Variants in RANBP2 observed in about 807,000 individuals in gnomAD.
RANBP2 encodes E3 SUMO-protein ligase RanBP2.
In RANBP2, 57 loss-of-function variants were observed where a neutral mutation model predicts 303.6. That is an observed-to-expected ratio of 0.19 (90% CI 0.15 to 0.23). RANBP2 has a LOEUF of 0.23. Among genes scored for constraint, RANBP2 ranks in the 10% least tolerant of loss-of-function variants. RANBP2 has a pLI of 1.00. For synonymous variants in RANBP2, 1,167 were observed against 1,301.5 expected (o/e 0.90, Z 2.23); for missense variants, 3,138 against 3,780.8 (o/e 0.83, Z 4.46).
chr2:109,542,764 A>C, the RANBP2 span, among the ~76,000 whole-genome samples: 2 of 152,348 alleles, frequency 1.3e-5, no homozygotes, highest in Non-Finnish European at 2.9e-5. Context: ...TGTGAATTTC[A>C]AATGCAAAAA....
At chr2:108,737,299 C>G (rs1019808620) in intron 6 of RANBP2, among the ~76,000 whole-genome samples, 3 of 144,026 alleles carry the variant, frequency 2.1e-5, no homozygotes, top group Non-Finnish European at 4.5e-5. Flanking sequence ...CATCGAAGAT[C>G]TTTGTATGTG....
At chr2:108,901,870 G>A in the RANBP2 span, among the ~76,000 whole-genome samples, 1 of 152,038 alleles carries the variant, frequency 6.6e-6, no homozygotes, top group Non-Finnish European at 1.5e-5. Context: ...TTGGGAGGCC[G>A]AGGTGGGTAT....
the RANBP2 span, among the ~76,000 whole-genome samples, chr2:108,970,136 G>A: frequency 6.6e-6 from 1 of 152,158 alleles, no homozygotes; most frequent in Non-Finnish European, 1.5e-5. Context: ...TGCTGCTTGA[G>A]CTTTGCACTG....
At chr2:109,291,985 T>C in the RANBP2 span, among the ~76,000 whole-genome samples, 1 of 152,154 alleles carries the variant, frequency 6.6e-6, no homozygotes, top group Admixed American at 6.5e-5. Flanking sequence ...TGCCTCAGCC[T>C]CTCGAGTAGC....
At chr2:109,365,786 G>A in the RANBP2 span, among the ~76,000 whole-genome samples, 16 of 152,222 alleles carry the variant, frequency 1.1e-4, no homozygotes, top group East Asian at 2.7e-3. Context: ...CTGTGGTCCC[G>A]GCTGTCGACT....
chr2:109,381,984 A>G, the RANBP2 span, among the ~76,000 whole-genome samples: 326 of 152,258 alleles, frequency 2.1e-3, 1 homozygote, highest in Admixed American at 4.5e-3. Context: ...TCTTTCCATC[A>G]ACAGGTGAAC....
chr2:109,578,392 T>C, the RANBP2 span, among the ~76,000 whole-genome samples: 2 of 152,128 alleles, frequency 1.3e-5, no homozygotes, highest in East Asian at 1.9e-4. Context: ...ATGGAAGCAT[T>C]ACAAGAGAAA....
chr2:108,744,465 T>TTAATTCACAACCAGTTAA (rs999074909), intron 7 of RANBP2, among the ~76,000 whole-genome samples: 3 of 151,722 alleles, frequency 2.0e-5, no homozygotes, highest in African/African-American at 7.3e-5. Context: ...TCACAACTAA[T>TTAATTCACAACCAGTTAA]TAACTGGTCA....
chr2:108,729,577 C>T lies in RANBP2; in HGVS notation c.140+378C>T, dbSNP rs565971596. Among the ~76,000 whole-genome samples the T allele has an allele frequency of 8.1e-4, 124 of 152,230 alleles. 1 individual carries two copies. Among genetic ancestry groups the T allele is most frequent in the Admixed American group, 2.3e-3 (35 of 15,282 alleles). ...AAAAAATTAAACCGTAATTGTAAGG[C>T]AGGAGAATAGCTTGTATAAAAGATG... On this transcript the variant is annotated intron_variant, in intron 2 of 28. Transcript: ENST00000283195.
At chr2:109,428,527 C>T in the RANBP2 span, among the ~76,000 whole-genome samples, 1 of 152,246 alleles carries the variant, frequency 6.6e-6, no homozygotes, top group Admixed American at 6.5e-5. Context: ...GGCCCCATGC[C>T]TGACTGCACA....
the RANBP2 span, chr2:109,129,159 G>A: frequency 4.9e-6 from 2 of 410,536 alleles, no homozygotes; most frequent in Non-Finnish European, 9.4e-6. Flanking sequence ...GCCGCTGCCC[G>A]CACTTCCTGC....
the RANBP2 span, among the ~76,000 whole-genome samples, chr2:108,821,801 C>T: frequency 2.0e-5 from 3 of 151,668 alleles, no homozygotes; most frequent in Non-Finnish European, 2.9e-5. Context: ...AAAAATTAGC[C>T]GGGCGTAGTG....
At chr2:109,016,591 C>T in the RANBP2 span, among the ~76,000 whole-genome samples, 2 of 152,172 alleles carry the variant, frequency 1.3e-5, no homozygotes, top group African/African-American at 2.4e-5. Context: ...CACATGTGCT[C>T]GTGAGCTTCA....
chr2:109,777,366 T>C, the RANBP2 span, among the ~76,000 whole-genome samples: 1 of 146,508 alleles, frequency 6.8e-6, no homozygotes, highest in Non-Finnish European at 1.5e-5. Context: ...TAATATACTT[T>C]TATATACTTT....
the RANBP2 span, among the ~76,000 whole-genome samples, chr2:109,581,635 A>T: frequency 1.3e-5 from 2 of 152,152 alleles, no homozygotes; most frequent in Admixed American, 1.3e-4. Context: ...ACCATTTGGT[A>T]TTTTCACAGA....
Position 108,729,218 on chromosome 2 carries a change from A to T in RANBP2, c.140+19A>T. Reference sequence around the variant, plus strand: ...CTAAAAAGTAAGTACAAACTGTAACATGTATTTTTTTTTTAAAATCAATGC... The same window carrying T: ...CTAAAAAGTAAGTACAAACTGTAACTTGTATTTTTTTTTTAAAATCAATGC... On this transcript the variant is annotated intron_variant, in intron 2 of 28. Coordinates refer to ENST00000283195, the MANE Select transcript of RANBP2 (RefSeq NM_006267.5). 6.4e-7 allele frequency: 1 copy of T among 1,562,696 alleles called. No homozygotes were observed. The highest frequency in any genetic ancestry group is 8.6e-7 in the Non-Finnish European group (1 of 1,157,026).
chr2:108,908,548 G>C, the RANBP2 span, among the ~76,000 whole-genome samples: 1 of 152,116 alleles, frequency 6.6e-6, no homozygotes, highest in Admixed American at 6.5e-5. Flanking sequence ...TGGCTGACCT[G>C]TGTGCATTGC....
At chr2:109,681,788 C>A in the RANBP2 span, among the ~76,000 whole-genome samples, 3 of 152,318 alleles carry the variant, frequency 2.0e-5, no homozygotes, top group South Asian at 4.2e-4. Flanking sequence ...GTGCTCTTGC[C>A]CGGCATTCAG....
At chr2:108,991,668 C>T in the RANBP2 span, among the ~76,000 whole-genome samples, 16 of 152,302 alleles carry the variant, frequency 1.1e-4, no homozygotes, top group Admixed American at 9.8e-4. Flanking sequence ...AACAAAACTT[C>T]GCAAGTGATT....
Sources: allele counts gnomAD v4.1 joint callset (sites outside exome capture counted in the v4.1 genomes callset), GRCh38; gene constraint gnomAD v4.1.1; transcripts MANE v1.5; gene names NCBI Gene and HGNC (gene_info 2026-07-23, HGNC 2026-07-21).